ZNF823: variants seen among roughly 807,000 people sequenced by gnomAD.
ZNF823 encodes the protein ZFP 36 for a zinc finger protein.
A neutral mutation model predicts 11.4 loss-of-function variants in ZNF823; 5 were observed. The ratio of observed to expected loss-of-function variants is 0.44; its 90% CI spans 0.23 to 0.92. The LOEUF (loss-of-function observed/expected upper bound fraction) is 0.92. Among genes scored for constraint, ZNF823 ranks in the 40% least tolerant of loss-of-function variants. The pLI is 0.24. For synonymous variants in ZNF823, 234 were observed against 250.5 expected (o/e 0.93, Z 0.62); for missense variants, 582 against 738.5 (o/e 0.79, Z 2.46).
At position 11,733,613 on chromosome 19, in the gene ZNF823, T is replaced by G. The variant is rs567959790; in HGVS notation, c.3+5204A>C. Among the ~76,000 whole-genome samples the G allele has an allele frequency of 2.0e-5, 3 of 151,374 alleles. No homozygotes were observed. In the East Asian group the frequency reaches 5.9e-4, roughly 30 times the overall value. ...ACTTGGGGGGCTGAGGCAAAAAGAT[T>G]GTTTGAGCCCAGGAGATGGAGGTTG... On this transcript the variant is annotated intron_variant, in intron 1 of 3. Transcript: ENST00000341191.
chr19:11,734,970 T>C (rs970111680), intron 1 of ZNF823, among the ~76,000 whole-genome samples: 9 of 152,204 alleles, frequency 5.9e-5, no homozygotes, highest in African/African-American at 2.2e-4. Flanking sequence ...TTGTTTGCTC[T>C]TCACTTTGAA....
In ZNF823 at chr19:11,722,565, CAT is replaced by C; in HGVS notation, c.967_968del (p.Met323AspfsTer10). On this transcript the variant is annotated frameshift_variant, in exon 4 of 4. Transcript: ENST00000341191. LOFTEE classifies it low-confidence loss of function (END_TRUNC). This position sits in a 1 kb window ranked among gnomAD's most constrained non-coding sequence, Gnocchi z 5.2. ...FYHHTSFRRH[M>X]IRHTGDGPHK... ...GTGGTCCGTCTCCAGTGTGCCTTAT[CAT>C]GTGTCTTCGAAAGCTTGTGTGATGA... 1 of 1,614,108 alleles carries C rather than the reference CAT, an allele frequency of 6.2e-7. No homozygotes were observed. The highest frequency in any genetic ancestry group is 8.5e-7 in the Non-Finnish European group (1 of 1,180,022).
intron 3 of ZNF823, among the ~76,000 whole-genome samples, chr19:11,723,590 G>A (rs1378591606): frequency 6.6e-6 from 1 of 152,130 alleles, no homozygotes; most frequent in Non-Finnish European, 1.5e-5. Flanking sequence ...TTGTTGCCCA[G>A]GTTGGAGTGC....
chr19:11,733,051 T>C (rs1264924846), intron 1 of ZNF823, among the ~76,000 whole-genome samples: 1 of 152,130 alleles, frequency 6.6e-6, no homozygotes, highest in Non-Finnish European at 1.5e-5. Flanking sequence ...CCAAGGAGTT[T>C]AGGACTACTT....
intron 1 of ZNF823, among the ~76,000 whole-genome samples, chr19:11,731,512 G>A (rs530245941): frequency 6.6e-6 from 1 of 152,190 alleles, no homozygotes; most frequent in Admixed American, 6.5e-5. Flanking sequence ...GCCGTTCGCT[G>A]AACACCAACC....
At chr19:11,726,287 C>CATATACACATATATAT (rs1555766612) in intron 1 of ZNF823, among the ~76,000 whole-genome samples, 3 of 112,242 alleles carry the variant, frequency 2.7e-5, no homozygotes, top group Non-Finnish European at 4.0e-5. Flanking sequence ...ATAAAAAATA[C>CATATACACATATATAT]ATATATATAT....
rs376695884 is a variant in ZNF823, at chr19:11,722,995, C to T, written c.539G>A (p.Arg180Gln). The change falls in exon 4 of 4, where the codon CGA becomes CAA. Residue 180 changes from arginine (R) to glutamine (Q), a missense_variant. By Grantham distance (43) the Arg-to-Gln change is conservative. Around this residue, in one of 3 missense-constraint regions of ZNF823, gnomAD observed 429 missense variants for 553.7 expected, o/e 0.77. Transcript: ENST00000341191. This position sits in a 1 kb window ranked among gnomAD's most constrained non-coding sequence, Gnocchi z 5.2. ...TCCATGGTGTGCCGCCATGTGTCTTCGGAGGTTTCCAAGAGAACTAAAGGT... is the reference window on the plus strand; with the variant it reads ...TCCATGGTGTGCCGCCATGTGTCTTTGGAGGTTTCCAAGAGAACTAAAGGT... ...AKTFSSLGNL[R>Q]RHMAAHHGDG... 3.5e-5 allele frequency: 57 copies of T among 1,614,212 alleles called. No homozygotes were observed. The highest frequency in any genetic ancestry group is 2.2e-4 in the East Asian group (10 of 44,888).
Position 11,721,442 on chromosome 19 carries a change from A to C in ZNF823, c.*259T>G. The C allele has an allele frequency of 5.4e-6, 2 of 369,856 alleles. No homozygotes were observed. The allele number at this position is 369,856 out of a possible 1,614,324, so 22.9% of individuals were successfully genotyped here. A position where few individuals can be genotyped will look rare whatever the true frequency, so the allele number is the denominator to read the frequency against. On this transcript the variant is annotated 3_prime_UTR_variant, in exon 4 of 4. Transcript: ENST00000341191. ...ATGCATGAGGTATTAAAAGTCATCT[A>C]GAGATGATTTACACAGTATACTGGA...
intron 1 of ZNF823, among the ~76,000 whole-genome samples, chr19:11,737,576 TTTTTTTTC>T (rs1399756396): frequency 8.1e-6 from 1 of 123,198 alleles, no homozygotes; most frequent in South Asian, 2.9e-4. Context: ...TTTTTTTTTT[TTTTTTTTC>T]ACACTGGAGT....
At chr19:11,724,001 G>A (rs987643619) in intron 3 of ZNF823, among the ~76,000 whole-genome samples, 193 bp downstream of exon 3, 2 of 152,152 alleles carry the variant, frequency 1.3e-5, no homozygotes, top group Non-Finnish European at 2.9e-5. Flanking sequence ...CTAGGCTCAA[G>A]TAATCCTCCC....
At chr19:11,736,327 G>A (rs1555767867) in intron 1 of ZNF823, among the ~76,000 whole-genome samples, 1 of 151,644 alleles carries the variant, frequency 6.6e-6, no homozygotes, top group African/African-American at 2.4e-5. Context: ...GACCAGCCTG[G>A]CCAATATGGT....
intron 3 of ZNF823, among the ~76,000 whole-genome samples, chr19:11,723,776 C>A (rs1463198786): frequency 6.6e-6 from 1 of 152,186 alleles, no homozygotes; most frequent in Non-Finnish European, 1.5e-5. Context: ...AACTCCCGAC[C>A]TCAGGTGATC....
Position 11,722,119 on chromosome 19 carries a change from T to C in ZNF823, c.1415A>G (p.Glu472Gly). The change falls in exon 4 of 4, where the codon GAG becomes GGG. Residue 472 changes from glutamate (E) to glycine (G), a missense_variant. Coordinates refer to ENST00000341191, the MANE Select transcript of ZNF823 (RefSeq NM_001080493.4). This position sits in a 1 kb window ranked among gnomAD's most constrained non-coding sequence, Gnocchi z 5.2. ...ETTHTGEKPY[E>G]CKECGKAFSC... is the part of the protein sequence containing the mutation. ...GAATGCTTTCCCACATTCCTTACAC[T>C]CATATGGCTTCTCTCCAGTGTGAGT... 1 of 1,613,908 alleles carries C rather than the reference T, an allele frequency of 6.2e-7. No individual in the cohort carries two copies. The highest frequency in any genetic ancestry group is 1.1e-5 in the South Asian group (1 of 91,012).
chr19:11,736,450 T>C (rs1013160493), intron 1 of ZNF823, among the ~76,000 whole-genome samples: 5 of 152,078 alleles, frequency 3.3e-5, no homozygotes, highest in Non-Finnish European at 5.9e-5. Flanking sequence ...ACCCAGGAGG[T>C]TGAGGCTGCA....
At chr19:11,728,998 C>A (rs914818762) in intron 1 of ZNF823, among the ~76,000 whole-genome samples, 1 of 152,046 alleles carries the variant, frequency 6.6e-6, no homozygotes, top group Admixed American at 6.6e-5. Flanking sequence ...CATGATGAAA[C>A]CCCGTCTCTA....
Position 11,723,289 on chromosome 19 carries a change from T to C in ZNF823, c.245A>G (p.Gln82Arg). The C allele has an allele frequency of 6.2e-7, 1 of 1,613,754 alleles. No homozygotes were observed. The highest frequency in any genetic ancestry group is 8.5e-7 in the Non-Finnish European group (1 of 1,179,796). The change falls in exon 4 of 4, where the codon CAG (glutamine) becomes CGG (arginine). Residue 82 changes from glutamine to arginine, a missense_variant. By Grantham distance (43) the Gln-to-Arg change is conservative. Around this residue, in one of 3 missense-constraint regions of ZNF823, gnomAD observed 429 missense variants for 553.7 expected, o/e 0.77. Coordinates refer to ENST00000341191, the MANE Select transcript of ZNF823 (RefSeq NM_001080493.4). ...DDSQCGETFG[Q>R]IPDSIVNKNT... is the part of the protein sequence containing the mutation. ...CTTGTTCACAATACTATCTGGAATC[T>C]GGCCAAAAGTTTCTCCACATTGACT...
intron 1 of ZNF823, among the ~76,000 whole-genome samples, chr19:11,737,670 C>T (rs918928346): frequency 2.0e-5 from 3 of 148,634 alleles, no homozygotes; most frequent in African/African-American, 7.5e-5. Flanking sequence ...AAGAGCCATA[C>T]ATTGCTATGT....
At chr19:11,732,009 C>CAAA (rs34026773) in intron 1 of ZNF823, among the ~76,000 whole-genome samples, 7 of 96,930 alleles carry the variant, frequency 7.2e-5, no homozygotes, top group Non-Finnish European at 1.1e-4. Context: ...AACTCCGTCT[C>CAAA]AAAAAAAAAA....
intron 1 of ZNF823, among the ~76,000 whole-genome samples, chr19:11,735,133 G>A (rs1236495812): frequency 6.6e-6 from 1 of 151,796 alleles, no homozygotes; most frequent in Non-Finnish European, 1.5e-5. Flanking sequence ...AAATTAGCTG[G>A]GCGTGGTGGT....
Sources: gnomAD v4.1 joint callset for allele counts (sites outside exome capture counted in the v4.1 genomes callset) on GRCh38, gnomAD v4.1.1 for gene constraint, gnomAD v4.1.1 regional missense constraint, Gnocchi (gnomAD v3.1) non-coding constraint, MANE v1.5 for transcripts, NCBI Gene and HGNC (gene_info 2026-07-23, HGNC 2026-07-21) for gene names.